PTCHD4: variants seen among roughly 807,000 people sequenced by gnomAD.
The protein encoded by PTCHD4 is patched domain-containing protein 4.
A neutral mutation model predicts 58.1 loss-of-function variants in PTCHD4; 33 were observed. That is an observed-to-expected ratio of 0.57 (90% CI 0.43 to 0.76). The LOEUF (loss-of-function observed/expected upper bound fraction) is 0.76. PTCHD4 is among the 30% of genes least tolerant of loss of function. PTCHD4 has a pLI of 0.00. For missense variants in PTCHD4, 1,058 were observed against 1,027.1 expected (o/e 1.03, Z -0.41); for synonymous variants, 478 against 409.6 (o/e 1.17, Z -2.02).
intron 4 of PTCHD4, among the ~76,000 whole-genome samples, chr6:47,883,970 A>G (rs978368160): frequency 6.6e-6 from 1 of 152,214 alleles, no homozygotes; most frequent in African/African-American, 2.4e-5. Flanking sequence ...AAAATTTGGG[A>G]AAGATGAAAA....
At chr6:47,995,970 T>A (rs2114047416) in intron 4 of PTCHD4, among the ~76,000 whole-genome samples, 1 of 152,328 alleles carries the variant, frequency 6.6e-6, no homozygotes, top group East Asian at 1.9e-4. Context: ...ACTTTTAACT[T>A]TTATTTTAGG....
intron 4 of PTCHD4, among the ~76,000 whole-genome samples, chr6:47,990,953 G>A (rs1481688447): frequency 6.6e-6 from 1 of 152,022 alleles, no homozygotes; most frequent in Non-Finnish European, 1.5e-5. Flanking sequence ...TTAGCAAACT[G>A]TTCTATCAGA....
rs1762511274 is a variant in PTCHD4 at position 48,007,863 on chromosome 6, G to A, written c.898+771C>T. Among the ~76,000 whole-genome samples, 4 of 152,092 alleles carry A rather than the reference G, an allele frequency of 2.6e-5. No homozygotes were observed. In the South Asian group the frequency reaches 6.2e-4, roughly 24 times the overall value. On this transcript the variant is annotated intron_variant, in intron 4 of 4. Transcript: ENST00000339488. ...ATCTCTTTTCTGATAAGACACATCAGTCTTGTTGCTAAGCACTTACGTGCC... is the reference window on the plus strand; with the variant it reads ...ATCTCTTTTCTGATAAGACACATCAATCTTGTTGCTAAGCACTTACGTGCC...
At position 48,058,522 on chromosome 6, in the gene PTCHD4, G is replaced by A. The variant is rs192553126; in HGVS notation, c.417+9708C>T. On this transcript the variant is annotated intron_variant, in intron 3 of 4. Transcript: ENST00000339488. ...TGTGGAAGAAAATAGCAGATGCTTG[G>A]CTTGAATGAGAATATTAAGAGAATG... 2.0e-5 allele frequency among the ~76,000 whole-genome samples: 3 copies of A among 152,194 alleles called. No individual in the cohort carries two copies. In the East Asian group the frequency reaches 5.8e-4, roughly 29 times the overall value.
chr6:48,008,581 C>A, intron 4 of PTCHD4, 53 bp downstream of exon 4: 1 of 1,555,242 alleles, frequency 6.4e-7, no homozygotes, highest in Non-Finnish European at 8.7e-7. Flanking sequence ...AAGAAATATA[C>A]TACCTTGCCC....
chr6:47,898,160 G>A (rs574450548), intron 4 of PTCHD4, among the ~76,000 whole-genome samples: 1 of 151,766 alleles, frequency 6.6e-6, no homozygotes, highest in Admixed American at 6.6e-5. Context: ...TAGCCAGGAT[G>A]GTCTCGATAT....
At chr6:47,886,106 C>G (rs1488928400) in intron 4 of PTCHD4, among the ~76,000 whole-genome samples, 1 of 142,362 alleles carries the variant, frequency 7.0e-6, no homozygotes, top group Non-Finnish European at 1.5e-5. Context: ...GCGCGAGCCA[C>G]GGCGATGGCA....
chr6:48,061,410 A>G (rs886863701), intron 3 of PTCHD4, among the ~76,000 whole-genome samples: 2 of 152,174 alleles, frequency 1.3e-5, no homozygotes, highest in Non-Finnish European at 2.9e-5. Context: ...GATAAACGAT[A>G]TGCTGAGAGT....
chr6:47,920,378 G>T (rs183050575), intron 4 of PTCHD4, among the ~76,000 whole-genome samples: 21 of 152,242 alleles, frequency 1.4e-4, no homozygotes, highest in African/African-American at 5.1e-4. Context: ...TAGGGTGGGG[G>T]TCCAGATGGG....
chr6:47,879,314 T>C lies in PTCHD4; in HGVS notation c.1521A>G (p.Lys507=), dbSNP rs185034859. ...PSVSYAMVQQ[K]YFSNYSPVIG... ...TCACAGGGCTATAGTTGCTGAAATA[T>C]TTCTGCTGAACCATGGCATAGGAAA... The change falls in exon 5 of 5, where the codon AAA becomes AAG. Residue 507 remains lysine, a synonymous_variant. Coordinates refer to ENST00000339488, the MANE Select transcript of PTCHD4 (RefSeq NM_001384253.1). 215 of 1,612,968 alleles carry C rather than the reference T, an allele frequency of 1.3e-4. 1 individual carries two copies. The Admixed American group carries it at 2.7e-3, about 20-fold the overall frequency.
At chr6:47,930,824 C>G (rs1326306108) in intron 4 of PTCHD4, among the ~76,000 whole-genome samples, 1 of 152,240 alleles carries the variant, frequency 6.6e-6, no homozygotes, top group East Asian at 1.9e-4. Context: ...GATGGAGTCT[C>G]GCTCTGTTGC....
rs2114077371 is a variant in PTCHD4 at position 47,870,468 on chromosome 6, TC to T, written c.*7834del. On this transcript the variant is annotated 3_prime_UTR_variant, in exon 5 of 5. Coordinates refer to ENST00000339488, the MANE Select transcript of PTCHD4 (RefSeq NM_001384253.1). ...TGCAAATCTATGGGAAATAATTTGT[TC>T]TTTATTTGTTTCTATTATAGTTAAG... Among the ~76,000 whole-genome samples the T allele has an allele frequency of 6.6e-6, 1 of 151,780 alleles. No individual in the cohort carries two copies. Among genetic ancestry groups the T allele is most frequent in the South Asian group, 2.1e-4 (1 of 4,832 alleles).
Position 47,864,315 on chromosome 6 carries a change from TACAC to T in PTCHD4, c.*13984_*13987del, listed in dbSNP as rs57323341. 6.7e-6 allele frequency among the ~76,000 whole-genome samples: 1 copy of T among 148,784 alleles called. No individual in the cohort carries two copies. The highest frequency in any genetic ancestry group is 2.0e-4 in the East Asian group (1 of 4,888). On this transcript the variant is annotated 3_prime_UTR_variant, in exon 5 of 5. Coordinates refer to ENST00000339488, the MANE Select transcript of PTCHD4 (RefSeq NM_001384253.1). ...GCCCATTATTTTTGAGATATATATA[TACAC>T]ACACACACACATATATATATATGGC...
chr6:47,956,918 C>T (rs1394962387), intron 4 of PTCHD4, among the ~76,000 whole-genome samples: 1 of 151,992 alleles, frequency 6.6e-6, no homozygotes, highest in East Asian at 1.9e-4. Context: ...AATCCTAGCA[C>T]TTTGGGAGGC....
rs540951937 is a variant in PTCHD4 at position 48,047,626 on chromosome 6, T to G, written c.417+20604A>C. Among the ~76,000 whole-genome samples, 12 of 151,942 alleles carry G rather than the reference T, an allele frequency of 7.9e-5. No individual in the cohort carries two copies. In the South Asian group the frequency reaches 2.3e-3, roughly 29 times the overall value. ...TATATTGAGATCCTAATCCCCAATG[T>G]GATGCTATTTGAAGGTGGGGCCTTT... On this transcript the variant is annotated intron_variant, in intron 3 of 4. Transcript: ENST00000339488.
rs1763357552 is a variant in PTCHD4 at position 47,858,869 on chromosome 6, A to G, written c.*19434T>C. Among the ~76,000 whole-genome samples, 5 of 152,076 alleles carry G rather than the reference A, an allele frequency of 3.3e-5. No individual in the cohort carries two copies. Among genetic ancestry groups the G allele is most frequent in the Admixed American group, 3.3e-4 (5 of 15,242 alleles). On this transcript the variant is annotated 3_prime_UTR_variant, in exon 5 of 5. Coordinates refer to ENST00000339488, the MANE Select transcript of PTCHD4 (RefSeq NM_001384253.1). ...GCTTCCTATAATCCTTCTTGAATCT[A>G]TGAATTTAAACTACCCCATTTCTCC...
intron 1 of PTCHD4, among the ~76,000 whole-genome samples, chr6:48,073,237 C>A (rs1765006408): frequency 6.6e-6 from 1 of 152,234 alleles, no homozygotes; most frequent in Middle Eastern, 3.4e-3. Flanking sequence ...ATATCTTTGT[C>A]AGTATGAGTT....
chr6:47,890,912 C>T (rs542792900), intron 4 of PTCHD4: 59 of 984,050 alleles, frequency 6.0e-5, no homozygotes, highest in East Asian at 2.3e-4. Flanking sequence ...TTCAAGTTTT[C>T]GAAAATGAAT....
chr6:48,010,016 T>C (rs1762609002), intron 3 of PTCHD4, among the ~76,000 whole-genome samples: 1 of 152,216 alleles, frequency 6.6e-6, no homozygotes, highest in Non-Finnish European at 1.5e-5. Context: ...TCATCCAGTG[T>C]GCCCCAACAT....
Sources: allele counts gnomAD v4.1 joint callset (sites outside exome capture counted in the v4.1 genomes callset), GRCh38; gene constraint gnomAD v4.1.1; transcripts MANE v1.5; gene names NCBI Gene and HGNC (gene_info 2026-07-23, HGNC 2026-07-21).